The following ERGIC2 variants were observed in gnomAD, a reference collection of about 807,000 sequenced individuals.
ERGIC2 encodes ERGIC and golgi 2, also known as endoplasmic reticulum-Golgi intermediate compartment protein 2.
ERGIC2 carries 31 observed loss-of-function variants against 52.5 expected under a neutral mutation model. That is an observed-to-expected ratio of 0.59 (90% CI 0.44 to 0.80). ERGIC2 has a LOEUF of 0.80. ERGIC2 is among the 30% of genes least tolerant of loss of function. The pLI is 0.00. For missense variants in ERGIC2, 395 were observed against 455.2 expected, an observed-to-expected ratio of 0.87 and a Z score of 1.20; for synonymous variants, 129 against 140.6, an observed-to-expected ratio of 0.92 and a Z score of 0.58.
Position 29,337,690 on chromosome 12 carries a change from G to T in ERGIC2, c.*3466C>A, listed in dbSNP as rs1015025952. ...AAACAGGAAAAGTACTAGCTTAAAA[G>T]GCATGCTGAGATTTTAAAGGTCCTA... is the stretch of plus-strand genomic sequence containing the variant. On this transcript the variant is annotated 3_prime_UTR_variant, in exon 14 of 14. Transcript: ENST00000360150. 1 of 152,142 alleles carries T rather than the reference G, an allele frequency of 6.6e-6. No individual in the cohort carries two copies. The highest frequency in any genetic ancestry group is 2.4e-5 in the African/African-American group (1 of 41,440). The allele number at this position is 152,142 out of a possible 1,614,324, so 9.4% of individuals were successfully genotyped here.
Position 29,370,184 on chromosome 12 carries a change from T to C in ERGIC2, c.145A>G (p.Ile49Val), listed in dbSNP as rs563896541. The C allele has an allele frequency of 5.9e-5, 91 of 1,553,268 alleles. No homozygotes were observed. The Middle Eastern group carries it at 1.4e-3, about 23-fold the overall frequency. The change falls in exon 3 of 14, where the codon ATA becomes GTA. Residue 49 changes from isoleucine (I) to valine (V), a missense_variant. Coordinates refer to ENST00000360150, the MANE Select transcript of ERGIC2 (RefSeq NM_016570.3). ...IAFTTMALLT[I>V]MEFSVYQDTW... Reference sequence around the variant, plus strand: ...TCTTGATATACTGAGAATTCCATTATGGTTAATAAAGCCATAGTTGTAAAT... The same window carrying C: ...TCTTGATATACTGAGAATTCCATTACGGTTAATAAAGCCATAGTTGTAAAT...
chr12:29,369,998 C>A lies in ERGIC2; in HGVS notation c.215+116G>T, dbSNP rs1018129896. 8 of 955,474 alleles carry A rather than the reference C, an allele frequency of 8.4e-6. No homozygotes were observed. The African/African-American group carries it at 1.4e-4, about 16-fold the overall frequency. The allele number at this position is 955,474 out of a possible 1,614,324, so 59.2% of individuals were successfully genotyped here. A position where few individuals can be genotyped will look rare whatever the true frequency, so the allele number is the denominator to read the frequency against. On this transcript the variant is annotated intron_variant, in intron 3 of 13. Transcript: ENST00000360150. ...TAATGAGAATTTTTCAGGACTATTTCTTCAGAACTAAAACAAACCAAATCT... is the reference window on the plus strand; with the variant it reads ...TAATGAGAATTTTTCAGGACTATTTATTCAGAACTAAAACAAACCAAATCT...
intron 8 of ERGIC2, among the ~76,000 whole-genome samples, chr12:29,352,988 T>C (rs58552561): frequency 0.017 from 2,624 of 152,242 alleles, 61 homozygotes; most frequent in African/African-American, 0.059. Flanking sequence ...AAATAGAAAC[T>C]CTCCATAAAG....
At chr12:29,367,340 G>A (rs1478412516) in intron 4 of ERGIC2, among the ~76,000 whole-genome samples, 7 of 151,712 alleles carry the variant, frequency 4.6e-5, no homozygotes, top group Non-Finnish European at 8.9e-5. Flanking sequence ...AATATTTTTA[G>A]AGATTAAAAG....
Position 29,351,228 on chromosome 12 carries a change from C to T in ERGIC2, c.573-1160G>A, listed in dbSNP as rs147154639. 3.4e-3 allele frequency among the ~76,000 whole-genome samples: 522 copies of T among 152,160 alleles called. 5 individuals are homozygous for T. Among genetic ancestry groups the T allele is most frequent in the African/African-American group, 0.012 (491 of 41,530 alleles). Reference sequence around the variant, plus strand: ...ACCACTGACACACCAGTTTAAAATACAAAATCAATTCAAATATTTTCTGCA... The same window carrying T: ...ACCACTGACACACCAGTTTAAAATATAAAATCAATTCAAATATTTTCTGCA... On this transcript the variant is annotated intron_variant, in intron 8 of 13. Transcript: ENST00000360150.
At chr12:29,341,580 C>T (rs1218176219) in intron 13 of ERGIC2, among the ~76,000 whole-genome samples, 154 bp downstream of exon 13, 3 of 151,964 alleles carry the variant, frequency 2.0e-5, no homozygotes, top group South Asian at 4.2e-4. Context: ...ACTATGTTGC[C>T]TTGACTGGTC....
At chr12:29,360,804 C>T (rs1305535746) in intron 6 of ERGIC2, among the ~76,000 whole-genome samples, 2 of 151,670 alleles carry the variant, frequency 1.3e-5, no homozygotes, top group African/African-American at 4.8e-5. Flanking sequence ...TTTACATTTA[C>T]TTTGTATCTG....
Position 29,341,179 on chromosome 12 carries a change from G to C in ERGIC2, c.1111C>G (p.Leu371Val). ...TGTTAATGTGTATTATTTTCTAAAA[G>C]AGGTAAGTGGTTGTCTGTGTGGCCA... ...EDGHTDNHLP[L>V]LENNTH The change falls in exon 14 of 14, where the codon CTT becomes GTT. Residue 371 changes from leucine (L) to valine (V), a missense_variant. Transcript: ENST00000360150. 1 of 1,610,064 alleles carries C rather than the reference G, an allele frequency of 6.2e-7. No homozygotes were observed. Among genetic ancestry groups the C allele is most frequent in the Non-Finnish European group, 8.5e-7 (1 of 1,177,690 alleles).
chr12:29,350,187 T>A, intron 8 of ERGIC2, 119 bp from the exon 9 acceptor site: 1 of 633,662 alleles, frequency 1.6e-6, no homozygotes, highest in Non-Finnish European at 2.8e-6. Context: ...AACATAAGAA[T>A]GCATTTGGCC....
Position 29,341,049 on chromosome 12 carries a change from C to A in ERGIC2, c.*107G>T. The A allele has an allele frequency of 1.3e-6, 1 of 787,122 alleles. No homozygotes were observed. The highest frequency in any genetic ancestry group is 2.8e-5 in the East Asian group (1 of 35,516). 48.8% of individuals were successfully genotyped at this position (787,122 alleles called of 1,614,324 possible). A position where few individuals can be genotyped will look rare whatever the true frequency, so the allele number is the denominator to read the frequency against. The stretch of plus-strand genomic sequence containing the variant: ...TTCTTTTTTAAAATAAGTATGTTTT[C>A]TGCTTATTTGTGTTTTCTTTTCTTT... On this transcript the variant is annotated 3_prime_UTR_variant, in exon 14 of 14. Coordinates refer to ENST00000360150, the MANE Select transcript of ERGIC2 (RefSeq NM_016570.3).
At chr12:29,360,552 TTATAAA>T (rs909886671) in intron 6 of ERGIC2, among the ~76,000 whole-genome samples, 1 of 147,730 alleles carries the variant, frequency 6.8e-6, no homozygotes, top group Non-Finnish European at 1.5e-5. Context: ...CTTTTATATA[TTATAAA>T]TATATAATAT....
intron 3 of ERGIC2, 21 bp from the exon 4 acceptor site, chr12:29,368,308 CATT>C: frequency 8.0e-7 from 1 of 1,248,900 alleles, no homozygotes; most frequent in Non-Finnish European, 1.2e-6. Context: ...AAATATTAAA[CATT>C]AGTACCTACC....
At chr12:29,368,559 C>G (rs1198625981) in intron 3 of ERGIC2, among the ~76,000 whole-genome samples, 1 of 151,790 alleles carries the variant, frequency 6.6e-6, no homozygotes, top group Non-Finnish European at 1.5e-5. Flanking sequence ...CTAAGCAACT[C>G]AGAAAAAGTC....
chr12:29,356,778 G>T (rs1940212283), intron 7 of ERGIC2, among the ~76,000 whole-genome samples: 1 of 151,972 alleles, frequency 6.6e-6, no homozygotes, highest in South Asian at 2.1e-4. Flanking sequence ...AGTCCAAAAA[G>T]ACATATTTTT....
Position 29,343,166 on chromosome 12 carries a change from A to G in ERGIC2, c.942T>C (p.Phe314=), listed in dbSNP as rs752463973. The G allele has an allele frequency of 6.2e-7, 1 of 1,611,614 alleles. No individual in the cohort carries two copies. Among genetic ancestry groups the G allele is most frequent in the Non-Finnish European group, 8.5e-7 (1 of 1,178,442 alleles). ...VTEEHMPFWQ[F]FVRLCGIVGG... ...CAACAATACCACAGAGTCTTACAAA[A>G]AACTGCCAGAATGGCATGTGCTCCT... The change falls in exon 12 of 14, where the codon TTT becomes TTC. Residue 314 remains phenylalanine, a synonymous_variant. Transcript: ENST00000360150.
At chr12:29,379,394 GATA>G (rs760579730) in intron 1 of ERGIC2, among the ~76,000 whole-genome samples, 6 of 152,082 alleles carry the variant, frequency 3.9e-5, no homozygotes, top group Non-Finnish European at 8.8e-5. Context: ...ATTAAAAGAG[GATA>G]ATAATTTAAG....
At chr12:29,341,656 A>G in intron 13 of ERGIC2, 78 bp downstream of exon 13, 2 of 773,758 alleles carry the variant, frequency 2.6e-6, no homozygotes, top group Non-Finnish European at 4.4e-6. Context: ...TACAGGTGTG[A>G]GCCACCATGA....
At chr12:29,371,417 G>T (rs575912030) in intron 2 of ERGIC2, 111 bp downstream of exon 2, 1 of 670,562 alleles carries the variant, frequency 1.5e-6, no homozygotes, top group Non-Finnish European at 2.5e-6. Flanking sequence ...ACGAAGTTAC[G>T]GCAGAATTCA....
At chr12:29,367,038 C>T in intron 4 of ERGIC2, 91 bp from the exon 5 acceptor site, 1 of 503,972 alleles carries the variant, frequency 2.0e-6, no homozygotes, top group Non-Finnish European at 3.3e-6. Flanking sequence ...TAACAGAAAA[C>T]TCACCAAGCA....
Sources: gnomAD v4.1 joint callset for allele counts (sites outside exome capture counted in the v4.1 genomes callset) on GRCh38, gnomAD v4.1.1 for gene constraint, MANE v1.5 for transcripts, NCBI Gene and HGNC (gene_info 2026-07-23, HGNC 2026-07-21) for gene names.